The following SGCZ variants were observed in gnomAD, a reference collection of about 807,000 sequenced individuals.
SGCZ encodes sarcoglycan zeta, also known as zeta-sarcoglycan.
A neutral mutation model predicts 41.3 loss-of-function variants in SGCZ; 40 were observed. The ratio of observed to expected loss-of-function variants is 0.97; its 90% CI spans 0.75 to 1.26. SGCZ has a LOEUF of 1.26. Ranked by LOEUF, SGCZ falls within the 50% of genes most tolerant of loss-of-function variation. The probability of loss-of-function intolerance (pLI) is 0.00; values close to 1 mark genes in which losing one functional copy is unlikely to be tolerated. For missense variants in SGCZ, 552 were observed against 369.8 expected (o/e 1.49, Z -4.04); for synonymous variants, 206 against 137.5 (o/e 1.50, Z -3.49).
chr8:14,494,207 G>C (rs1057059492), intron 2 of SGCZ, among the ~76,000 whole-genome samples: 1 of 152,134 alleles, frequency 6.6e-6, no homozygotes, highest in Non-Finnish European at 1.5e-5. Flanking sequence ...GCATTAACAA[G>C]ATGGTGATTC....
intron 5 of SGCZ, among the ~76,000 whole-genome samples, chr8:14,112,261 AT>A (rs1802394233): frequency 7.6e-6 from 1 of 131,506 alleles, no homozygotes. Flanking sequence ...ATGATCATGA[AT>A]TTTTTGAGTT....
intron 2 of SGCZ, among the ~76,000 whole-genome samples, chr8:14,455,374 G>A (rs1293881357): frequency 6.6e-6 from 1 of 151,858 alleles, no homozygotes; most frequent in Non-Finnish European, 1.5e-5. Flanking sequence ...TAGTTGGTGA[G>A]TCTGGATAAA....
intron 1 of SGCZ, among the ~76,000 whole-genome samples, chr8:14,862,168 G>A (rs1333198739): frequency 6.6e-6 from 1 of 152,048 alleles, no homozygotes; most frequent in Non-Finnish European, 1.5e-5. Context: ...TTAAAGAGGT[G>A]TTGATATAGG....
chr8:14,169,552 CAT>C, intron 4 of SGCZ, among the ~76,000 whole-genome samples: 1 of 152,252 alleles, frequency 6.6e-6, no homozygotes, highest in East Asian at 1.9e-4. Context: ...GCTCCCAGGA[CAT>C]CCCTCTGCTG....
intron 1 of SGCZ, among the ~76,000 whole-genome samples, chr8:14,843,170 C>T (rs1398718346): frequency 1.3e-5 from 2 of 152,022 alleles, no homozygotes; most frequent in African/African-American, 4.8e-5. Context: ...TGAGATTGCA[C>T]CACTGCACTC....
At chr8:14,525,286 T>C (rs755715033) in intron 2 of SGCZ, among the ~76,000 whole-genome samples, 1 of 152,156 alleles carries the variant, frequency 6.6e-6, no homozygotes, top group Non-Finnish European at 1.5e-5. Context: ...TTGCCTACTT[T>C]CCTTTGCTCC....
chr8:14,272,843 T>A (rs1030216687), intron 3 of SGCZ, among the ~76,000 whole-genome samples: 10 of 152,188 alleles, frequency 6.6e-5, no homozygotes, highest in Non-Finnish European at 1.2e-4. Flanking sequence ...AATTGTTATA[T>A]CTTGAACTGT....
intron 1 of SGCZ, among the ~76,000 whole-genome samples, chr8:14,719,504 C>A (rs1303664535): frequency 1.3e-5 from 2 of 151,746 alleles, no homozygotes. Context: ...TCCACATCCT[C>A]TCCAGCACCT....
At chr8:14,423,280 T>G (rs1799685191) in intron 2 of SGCZ, among the ~76,000 whole-genome samples, 1 of 151,700 alleles carries the variant, frequency 6.6e-6, no homozygotes, top group East Asian at 1.9e-4. Flanking sequence ...ATCTGCACAT[T>G]GTGCACATGT....
chr8:14,468,911 G>A (rs1801129589), intron 2 of SGCZ, among the ~76,000 whole-genome samples: 1 of 151,830 alleles, frequency 6.6e-6, no homozygotes, highest in South Asian at 2.1e-4. Context: ...CATGTATTAG[G>A]CCTCATGTAT....
chr8:14,806,586 T>C (rs1179877475), intron 1 of SGCZ, among the ~76,000 whole-genome samples: 1 of 152,142 alleles, frequency 6.6e-6, no homozygotes, highest in Non-Finnish European at 1.5e-5. Flanking sequence ...GTGGCAATAA[T>C]CAATAGCTTA....
chr8:15,229,880 T>C (rs1801889613), intron 1 of SGCZ, among the ~76,000 whole-genome samples: 1 of 152,236 alleles, frequency 6.6e-6, no homozygotes, highest in African/African-American at 2.4e-5. Context: ...TGTATTTTTC[T>C]AGCCATTCTA....
intron 1 of SGCZ, among the ~76,000 whole-genome samples, chr8:14,673,791 C>T (rs868295977): frequency 2.6e-5 from 4 of 151,816 alleles, no homozygotes; most frequent in Non-Finnish European, 2.9e-5. Flanking sequence ...AATCTGATGC[C>T]CGATGTAGAT....
chr8:14,174,371 A>T (rs991363854), intron 4 of SGCZ, among the ~76,000 whole-genome samples: 4 of 152,148 alleles, frequency 2.6e-5, no homozygotes, highest in Non-Finnish European at 5.9e-5. Context: ...AGGATGCCAA[A>T]CAATTTTCTG....
chr8:15,183,019 C>T (rs1800223591), intron 1 of SGCZ, among the ~76,000 whole-genome samples: 1 of 152,206 alleles, frequency 6.6e-6, no homozygotes, highest in Non-Finnish European at 1.5e-5. Context: ...ATCAACATCA[C>T]TGTCATTCAT....
At position 14,755,201 on chromosome 8, in the gene SGCZ, A is replaced by G. The variant is rs1290600921; in HGVS notation, c.40-200275T>C. Among the ~76,000 whole-genome samples, 4 of 152,278 alleles carry G rather than the reference A, an allele frequency of 2.6e-5. No individual in the cohort carries two copies. In the East Asian group the frequency reaches 7.7e-4, roughly 29 times the overall value. On this transcript the variant is annotated intron_variant, in intron 1 of 7. Transcript: ENST00000382080. ...AAATCTTTCTTTGGATGGATTCAGTATAATAGAATTCAAATTCTTGTTTGA... is the reference window on the plus strand; with the variant it reads ...AAATCTTTCTTTGGATGGATTCAGTGTAATAGAATTCAAATTCTTGTTTGA...
chr8:15,171,952 C>T (rs891237072), intron 1 of SGCZ, among the ~76,000 whole-genome samples: 1 of 151,956 alleles, frequency 6.6e-6, no homozygotes, highest in Non-Finnish European at 1.5e-5. Flanking sequence ...CCTTCTCACT[C>T]CATTGAAAGG....
intron 3 of SGCZ, among the ~76,000 whole-genome samples, chr8:14,238,209 A>AT (rs1002893907): frequency 2.0e-5 from 3 of 152,134 alleles, no homozygotes; most frequent in Admixed American, 6.5e-5. Flanking sequence ...TCTATCTGGG[A>AT]TTTTTTTGTT....
intron 1 of SGCZ, among the ~76,000 whole-genome samples, chr8:14,687,037 T>A (rs1273661972): frequency 1.3e-5 from 2 of 151,512 alleles, no homozygotes; most frequent in Non-Finnish European, 2.9e-5. Context: ...AACAAAAAAA[T>A]TCTCTACTTT....
Sources: gnomAD v4.1 joint callset for allele counts (sites outside exome capture counted in the v4.1 genomes callset) on GRCh38, gnomAD v4.1.1 for gene constraint, MANE v1.5 for transcripts, NCBI Gene and HGNC (gene_info 2026-07-23, HGNC 2026-07-21) for gene names.